The following TNIK variants were observed in gnomAD, a reference collection of about 807,000 sequenced individuals.
The protein encoded by TNIK is TRAF2 and NCK-interacting protein kinase.
In TNIK, 49 loss-of-function variants were observed where a neutral mutation model predicts 191.3. That is an observed-to-expected ratio of 0.26 (90% CI 0.20 to 0.32). TNIK has a LOEUF of 0.32. Among genes scored for constraint, TNIK ranks in the 10% least tolerant of loss-of-function variants. The pLI is 1.00. For synonymous variants in TNIK, 594 were observed against 600.9 expected (o/e 0.99, Z 0.17); for missense variants, 1,155 against 1,702.3 (o/e 0.68, Z 5.66).
At chr3:171,261,123 G>C (rs564848769) in intron 2 of TNIK, among the ~76,000 whole-genome samples, 18 of 152,036 alleles carry the variant, frequency 1.2e-4, no homozygotes, top group Non-Finnish European at 2.4e-4. Context: ...CCTCTGCCTG[G>C]TCTCCAGCCT....
chr3:171,082,485 T>C (rs897398386), intron 26 of TNIK, 91 bp from the exon 27 acceptor site: 118 of 1,460,514 alleles, frequency 8.1e-5, no homozygotes, highest in Non-Finnish European at 1.1e-4. Flanking sequence ...AAACTGTGAC[T>C]TGTAAATATA....
chr3:171,241,110 A>G (rs1210005460), intron 2 of TNIK, among the ~76,000 whole-genome samples: 1 of 150,650 alleles, frequency 6.6e-6, no homozygotes, highest in Non-Finnish European at 1.5e-5. Flanking sequence ...GGCTCACCGC[A>G]ACCTCCACCT....
chr3:171,080,068 A>G (rs1347787492), intron 27 of TNIK, among the ~76,000 whole-genome samples: 1 of 152,218 alleles, frequency 6.6e-6, no homozygotes, highest in Non-Finnish European at 1.5e-5. Flanking sequence ...CCTTCACCGT[A>G]TAACCTAATA....
intron 2 of TNIK, among the ~76,000 whole-genome samples, chr3:171,322,506 A>G (rs2172391): frequency 0.44 from 66,655 of 151,944 alleles, 14,876 homozygotes; most frequent in Middle Eastern, 0.56. Context: ...TCATTTTTGT[A>G]GTATAATGTG....
intron 1 of TNIK, among the ~76,000 whole-genome samples, chr3:171,451,011 T>C (rs1728105877): frequency 6.6e-6 from 1 of 152,188 alleles, no homozygotes; most frequent in Non-Finnish European, 1.5e-5. Flanking sequence ...ACTTTACAGA[T>C]ATATTGCAAA....
intron 27 of TNIK, among the ~76,000 whole-genome samples, chr3:171,080,427 A>T (rs937214065): frequency 1.4e-5 from 2 of 146,956 alleles, no homozygotes; most frequent in African/African-American, 5.2e-5. Flanking sequence ...AAAATGTTTT[A>T]TTTATTTATT....
chr3:171,183,671 C>G (rs982917714), intron 7 of TNIK, among the ~76,000 whole-genome samples: 1 of 152,006 alleles, frequency 6.6e-6, no homozygotes, highest in African/African-American at 2.4e-5. Context: ...GCTTGTAATC[C>G]CAGCACTTTG....
At chr3:171,200,989 T>C (rs1739330895) in intron 4 of TNIK, among the ~76,000 whole-genome samples, 1 of 152,154 alleles carries the variant, frequency 6.6e-6, no homozygotes, top group African/African-American at 2.4e-5. Flanking sequence ...AGATCCCTTC[T>C]CTTTTATGGT....
At chr3:171,139,588 A>C (rs1231761426) in intron 13 of TNIK, 32 bp from the exon 14 acceptor site, 5 of 1,606,328 alleles carry the variant, frequency 3.1e-6, no homozygotes, top group Middle Eastern at 1.6e-4. Flanking sequence ...AATTCAGAGG[A>C]ACAGAAAGAA....
intron 1 of TNIK, among the ~76,000 whole-genome samples, chr3:171,423,780 A>G (rs1436592767): frequency 6.6e-6 from 1 of 152,218 alleles, no homozygotes. Flanking sequence ...GGCTAACCAT[A>G]TGTAGAAAGC....
At chr3:171,379,793 G>A (rs976325051) in intron 1 of TNIK, among the ~76,000 whole-genome samples, 6 of 152,064 alleles carry the variant, frequency 3.9e-5, no homozygotes, top group African/African-American at 7.2e-5. Flanking sequence ...GGCAGATCAC[G>A]AGGTCAGGAG....
intron 10 of TNIK, among the ~76,000 whole-genome samples, chr3:171,163,066 T>C (rs1306189738): frequency 6.6e-6 from 1 of 152,136 alleles, no homozygotes; most frequent in Non-Finnish European, 1.5e-5. Flanking sequence ...CTAAGCAACA[T>C]ATCCACATGA....
intron 7 of TNIK, among the ~76,000 whole-genome samples, chr3:171,185,177 CCGTGTGTG>C (rs764514291): frequency 8.5e-6 from 1 of 118,032 alleles, no homozygotes; most frequent in African/African-American, 3.9e-5. Flanking sequence ...TATAGATTTC[CCGTGTGTG>C]TGTGTGTGTG....
intron 17 of TNIK, among the ~76,000 whole-genome samples, chr3:171,124,843 G>A (rs1295968086): frequency 6.6e-6 from 1 of 152,092 alleles, no homozygotes; most frequent in African/African-American, 2.4e-5. Context: ...TTTTTAGAGA[G>A]TGGACCAATA....
At chr3:171,226,084 A>C (rs1742929974) in intron 3 of TNIK, among the ~76,000 whole-genome samples, 1 of 152,166 alleles carries the variant, frequency 6.6e-6, no homozygotes, top group African/African-American at 2.4e-5. Context: ...ATCTGATTTT[A>C]ATTTTTGTGT....
intron 15 of TNIK, among the ~76,000 whole-genome samples, chr3:171,132,397 G>C (rs1342018791): frequency 6.6e-6 from 1 of 152,010 alleles, no homozygotes; most frequent in Non-Finnish European, 1.5e-5. Flanking sequence ...ATTATATAGA[G>C]AGAAAAAAAA....
At chr3:171,239,561 G>T (rs546861749) in intron 2 of TNIK, among the ~76,000 whole-genome samples, 1 of 152,286 alleles carries the variant, frequency 6.6e-6, no homozygotes, top group East Asian at 1.9e-4. Context: ...CCTATTAATT[G>T]TTCCACCTGC....
intron 1 of TNIK, among the ~76,000 whole-genome samples, chr3:171,434,448 T>C (rs1185295248): frequency 4.8e-5 from 1 of 20,726 alleles, no homozygotes; most frequent in Non-Finnish European, 1.1e-4. Context: ...TTTTTACTTA[T>C]TTATTTATTT....
intron 22 of TNIK, among the ~76,000 whole-genome samples, chr3:171,097,092 A>G (rs921507524): frequency 2.0e-5 from 3 of 152,240 alleles, no homozygotes; most frequent in African/African-American, 7.2e-5. Context: ...ATAGAACTTT[A>G]CAGGAAAAAG....
Sources: allele counts gnomAD v4.1 joint callset (sites outside exome capture counted in the v4.1 genomes callset), GRCh38; gene constraint gnomAD v4.1.1; transcripts MANE v1.5; gene names NCBI Gene and HGNC (gene_info 2026-07-23, HGNC 2026-07-21).